The following C6orf52 variants were observed in gnomAD, a reference collection of about 807,000 sequenced individuals.
C6orf52 encodes the protein putative uncharacterized protein C6orf52.
In C6orf52, 16 loss-of-function variants were observed where a neutral mutation model predicts 16.6. The observed-to-expected ratio is 0.96, with a 90% CI of 0.65 to 1.46. The LOEUF (loss-of-function observed/expected upper bound fraction) is 1.46. Ranked by LOEUF, C6orf52 falls within the 40% of genes most tolerant of loss-of-function variation. The pLI, the probability that C6orf52 is intolerant of heterozygous loss-of-function variation, is 0.00. For synonymous variants in C6orf52, 53 were observed against 61.4 expected, an observed-to-expected ratio of 0.86 and a Z score of 0.64; for missense variants, 166 against 182.3, an observed-to-expected ratio of 0.91 and a Z score of 0.52.
chr6:10,688,113 G>A (rs923906235), intron 1 of C6orf52, among the ~76,000 whole-genome samples: 3 of 147,910 alleles, frequency 2.0e-5, no homozygotes, highest in South Asian at 2.1e-4. Flanking sequence ...GCGCTCCCTC[G>A]CCCCCTTCCC....
chr6:10,691,676 T>G (rs73439091), intron 1 of C6orf52, among the ~76,000 whole-genome samples: 8,680 of 152,062 alleles, frequency 0.057, 798 homozygotes, highest in African/African-American at 0.19. Flanking sequence ...CCTAATGCTC[T>G]CCTCCAAAAA....
intron 4 of C6orf52, among the ~76,000 whole-genome samples, chr6:10,679,437 CAAA>C (rs535153695): frequency 3.7e-5 from 3 of 80,912 alleles, no homozygotes; most frequent in Non-Finnish European, 8.2e-5. Flanking sequence ...AGACTGTCTC[CAAA>C]AAAAAAAAAA....
intron 4 of C6orf52, among the ~76,000 whole-genome samples, chr6:10,682,169 C>T (rs559129397): frequency 6.6e-6 from 1 of 152,310 alleles, no homozygotes; most frequent in Non-Finnish European, 1.5e-5. Flanking sequence ...TTCAATGTAT[C>T]CACATGCCTA....
chr6:10,690,428 C>T (rs1769189935), intron 1 of C6orf52, among the ~76,000 whole-genome samples: 1 of 152,186 alleles, frequency 6.6e-6, no homozygotes, highest in Admixed American at 6.5e-5. Flanking sequence ...CCCAGGAATA[C>T]ATTCACGTGC....
chr6:10,693,662 C>T (rs1047011890), intron 1 of C6orf52, among the ~76,000 whole-genome samples: 2 of 152,226 alleles, frequency 1.3e-5, no homozygotes, highest in Non-Finnish European at 2.9e-5. Flanking sequence ...CCAAGATTTA[C>T]TCTGTTGGGA....
chr6:10,694,610 GGAA>G lies in C6orf52; in HGVS notation c.-131_-129del. On this transcript the variant is annotated 5_prime_UTR_variant, in exon 1 of 5. Transcript: ENST00000259983. ...CGCTACAGCCCCTAAGCAACCGGCC[GGAA>G]GTCGGCCCCACCTCCTCCTGATGTC... The G allele has an allele frequency of 5.1e-6, 1 of 196,918 alleles. No homozygotes were observed. Among genetic ancestry groups the G allele is most frequent in the South Asian group, 7.3e-5 (1 of 13,628 alleles). 12.2% of individuals were successfully genotyped at this position (196,918 alleles called of 1,614,324 possible).
chr6:10,683,847 G>A (rs1221861445), intron 3 of C6orf52, among the ~76,000 whole-genome samples: 1 of 152,194 alleles, frequency 6.6e-6, no homozygotes, highest in Non-Finnish European at 1.5e-5. Context: ...TGGCTCTACT[G>A]GGGCAGCATA....
At chr6:10,690,262 A>G (rs565832561) in intron 1 of C6orf52, among the ~76,000 whole-genome samples, 3 of 152,288 alleles carry the variant, frequency 2.0e-5, no homozygotes, top group South Asian at 2.1e-4. Context: ...TTTGCTCACT[A>G]AAAGCCCCAA....
intron 4 of C6orf52, among the ~76,000 whole-genome samples, chr6:10,682,427 A>C (rs1219576585): frequency 1.3e-5 from 2 of 152,222 alleles, no homozygotes; most frequent in African/African-American, 2.4e-5. Flanking sequence ...TAATTTAAAC[A>C]CTGAGCACCT....
At position 10,671,550 on chromosome 6, in the gene C6orf52, A is replaced by T. The variant is rs1767424581; in HGVS notation, c.365T>A (p.Val122Glu). 1 of 1,548,106 alleles carries T rather than the reference A, an allele frequency of 6.5e-7. No homozygotes were observed. The highest frequency in any genetic ancestry group is 1.4e-5 in the African/African-American group (1 of 72,846). Residue 122 changes from valine (V) to glutamate (E), a missense_variant, in exon 5 of 5, where the codon GTG (valine) becomes GAG (glutamate). By Grantham distance (121) the Val-to-Glu change is moderately radical. Coordinates refer to ENST00000259983, the MANE Select transcript of C6orf52 (RefSeq NM_001145020.3). ...GGAGTCGTAGAGTTCTTCACTTTTC[A>T]CCATAAACTCTTGGTTTGATTCCTC... ...NIEESNQEFM[V>E]KSEELYDSLM...
At chr6:10,672,658 T>G in intron 4 of C6orf52, 1 of 675,318 alleles carries the variant, frequency 1.5e-6, no homozygotes, top group South Asian at 1.6e-5. Flanking sequence ...AAAAATAATT[T>G]TTTTTAAAAA....
At chr6:10,678,210 CAG>C (rs997703254) in intron 4 of C6orf52, among the ~76,000 whole-genome samples, 1 of 136,138 alleles carries the variant, frequency 7.3e-6, no homozygotes, top group Non-Finnish European at 1.6e-5. Flanking sequence ...AAAAAAAAGA[CAG>C]AGAGAGTGCA....
At chr6:10,676,896 G>A (rs964345185) in intron 4 of C6orf52, among the ~76,000 whole-genome samples, 1 of 152,140 alleles carries the variant, frequency 6.6e-6, no homozygotes, top group East Asian at 1.9e-4. Flanking sequence ...CGAACCCTGG[G>A]TATTTACCCC....
intron 4 of C6orf52, among the ~76,000 whole-genome samples, chr6:10,676,220 A>T (rs917035721): frequency 2.0e-5 from 3 of 152,222 alleles, no homozygotes; most frequent in South Asian, 2.1e-4. Flanking sequence ...AAATTTTTTT[A>T]AATGTGCAAA....
At chr6:10,693,542 C>A (rs551867224) in intron 1 of C6orf52, among the ~76,000 whole-genome samples, 1 of 152,150 alleles carries the variant, frequency 6.6e-6, no homozygotes, top group Non-Finnish European at 1.5e-5. Context: ...AGGGTCTAAG[C>A]GCTGAAGCAC....
At chr6:10,671,680 T>C in intron 4 of C6orf52, 82 bp from the exon 5 acceptor site, 8 of 901,508 alleles carry the variant, frequency 8.9e-6, no homozygotes, top group Non-Finnish European at 1.1e-5. Context: ...AGAAAGCTTT[T>C]AGAAAGCATT....
chr6:10,693,204 G>A (rs1291202227), intron 1 of C6orf52, among the ~76,000 whole-genome samples: 3 of 152,156 alleles, frequency 2.0e-5, no homozygotes, highest in Non-Finnish European at 2.9e-5. Flanking sequence ...ACGGATGCAG[G>A]ACACAGCAGT....
chr6:10,694,618 G>GTGGT, upstream of C6orf52: 30 of 190,184 alleles, frequency 1.6e-4, no homozygotes, highest in South Asian at 6.1e-4. Flanking sequence ...CCGGAAGTCG[G>GTGGT]CCCCACCTCC....
At chr6:10,672,459 T>C (rs1050897552) in intron 4 of C6orf52, 8 of 572,130 alleles carry the variant, frequency 1.4e-5, no homozygotes, top group Non-Finnish European at 2.5e-5. Context: ...TCTGGGAGGT[T>C]AGATGAGGTC....
Sources: gnomAD v4.1 joint callset for allele counts (sites outside exome capture counted in the v4.1 genomes callset) on GRCh38, gnomAD v4.1.1 for gene constraint, MANE v1.5 for transcripts, NCBI Gene and HGNC (gene_info 2026-07-23, HGNC 2026-07-21) for gene names.